The following ASTN2 variants were observed in gnomAD, a reference collection of about 807,000 sequenced individuals.
ASTN2 encodes astrotactin 2.
A neutral mutation model predicts 139.8 loss-of-function variants in ASTN2; 54 were observed. That is an observed-to-expected ratio of 0.39 (90% CI 0.31 to 0.48). The LOEUF (loss-of-function observed/expected upper bound fraction) is 0.48. ASTN2 is among the 20% of genes least tolerant of loss of function. The pLI is 0.95. For missense variants in ASTN2, 1,565 were observed against 1,725.1 expected, an observed-to-expected ratio of 0.91 and a Z score of 1.64; for synonymous variants, 756 against 719.5, an observed-to-expected ratio of 1.05 and a Z score of -0.81.
chr9:116,646,087 T>C (rs541763652), intron 17 of ASTN2, among the ~76,000 whole-genome samples: 49 of 152,258 alleles, frequency 3.2e-4, no homozygotes, highest in African/African-American at 1.2e-3. Flanking sequence ...GAAACTGAGG[T>C]ATGAAGACAC....
intron 10 of ASTN2, among the ~76,000 whole-genome samples, chr9:116,957,696 C>T (rs181829044): frequency 7.2e-5 from 11 of 152,308 alleles, no homozygotes; most frequent in Admixed American, 5.9e-4. Flanking sequence ...GTTTTTGAGA[C>T]GGAGTCTCGC....
intron 10 of ASTN2, among the ~76,000 whole-genome samples, chr9:116,932,450 C>T (rs1424078260): frequency 6.6e-6 from 1 of 152,140 alleles, no homozygotes; most frequent in African/African-American, 2.4e-5. Flanking sequence ...TACACTGTGG[C>T]TAACAGGATA....
At chr9:116,816,924 C>G (rs914530854) in intron 12 of ASTN2, among the ~76,000 whole-genome samples, 1 of 44,024 alleles carries the variant, frequency 2.3e-5, no homozygotes, top group Non-Finnish European at 5.8e-5. Flanking sequence ...AATAAATAGA[C>G]GAGGGAAAAT....
chr9:117,111,078 A>G (rs1460698617), intron 4 of ASTN2, among the ~76,000 whole-genome samples: 1 of 152,234 alleles, frequency 6.6e-6, no homozygotes, highest in African/African-American at 2.4e-5. Flanking sequence ...CTGAAGTCCA[A>G]CCAAATTAAC....
chr9:117,202,121 G>A (rs183034300), intron 3 of ASTN2, among the ~76,000 whole-genome samples: 1 of 152,148 alleles, frequency 6.6e-6, no homozygotes, highest in East Asian at 1.9e-4. Flanking sequence ...TTTGATCTTT[G>A]TTGGTTTAAA....
At chr9:117,187,116 G>A (rs1230588245) in intron 3 of ASTN2, among the ~76,000 whole-genome samples, 1 of 152,212 alleles carries the variant, frequency 6.6e-6, no homozygotes, top group Admixed American at 6.5e-5. Flanking sequence ...GAGACAGAGT[G>A]AGACTCCATC....
At chr9:117,061,139 T>TTTCATTTATTTATTTA (rs140825544) in intron 5 of ASTN2, among the ~76,000 whole-genome samples, 1 of 142,000 alleles carries the variant, frequency 7.0e-6, no homozygotes, top group African/African-American at 2.6e-5. Context: ...TACACCAGTC[T>TTTCATTTATTTATTTA]TTTATTTATT....
intron 4 of ASTN2, among the ~76,000 whole-genome samples, chr9:117,123,650 C>T (rs757336845): frequency 6.6e-6 from 1 of 151,968 alleles, no homozygotes; most frequent in Non-Finnish European, 1.5e-5. Flanking sequence ...TGGCTCTAGC[C>T]CTTATTCTTT....
At chr9:117,250,214 A>C (rs1833500338) in intron 2 of ASTN2, among the ~76,000 whole-genome samples, 1 of 152,232 alleles carries the variant, frequency 6.6e-6, no homozygotes, top group African/African-American at 2.4e-5. Flanking sequence ...TGTGCTAGGC[A>C]TCAGAAGACT....
At chr9:116,523,563 T>C (rs1850969239) in intron 19 of ASTN2, among the ~76,000 whole-genome samples, 1 of 152,142 alleles carries the variant, frequency 6.6e-6, no homozygotes, top group Non-Finnish European at 1.5e-5. Context: ...TGCAGCACTG[T>C]AAGGACTGGC....
chr9:117,220,924 T>C (rs1160359875), intron 2 of ASTN2, among the ~76,000 whole-genome samples: 1 of 152,202 alleles, frequency 6.6e-6, no homozygotes, highest in Non-Finnish European at 1.5e-5. Flanking sequence ...GAGGCTTTCA[T>C]GGCTCCAGTC....
At chr9:116,571,907 A>G (rs1853534556) in intron 19 of ASTN2, among the ~76,000 whole-genome samples, 1 of 151,812 alleles carries the variant, frequency 6.6e-6, no homozygotes, top group African/African-American at 2.4e-5. Flanking sequence ...ATGCATGTTT[A>G]TATGTGTTGG....
rs1847243377 is a variant in ASTN2, at chr9:116,423,889, T to C, written c.*1962A>G. 6.6e-6 allele frequency among the ~76,000 whole-genome samples: 1 copy of C among 152,192 alleles called. No individual in the cohort carries two copies. Among genetic ancestry groups the C allele is most frequent in the African/African-American group, 2.4e-5 (1 of 41,444 alleles). On this transcript the variant is annotated 3_prime_UTR_variant, in exon 23 of 23. Coordinates refer to ENST00000313400, the MANE Select transcript of ASTN2 (RefSeq NM_001365068.1). ...CATTTGCCAAATTGAGAAGTAGGCA[T>C]GGTTTTTTTCTTTTTTACTCACCAC...
At chr9:116,817,465 T>G (rs1243934693) in intron 12 of ASTN2, among the ~76,000 whole-genome samples, 1 of 151,808 alleles carries the variant, frequency 6.6e-6, no homozygotes, top group African/African-American at 2.4e-5. Context: ...TGGGAGTCAG[T>G]GGGGGTACAA....
intron 12 of ASTN2, among the ~76,000 whole-genome samples, chr9:116,817,681 C>A (rs139528374): frequency 2.2e-4 from 33 of 152,264 alleles, no homozygotes; most frequent in Non-Finnish European, 4.4e-4. Context: ...GTTTTAGCTC[C>A]TGGAGACAAA....
At chr9:116,831,828 T>G (rs1320180946) in intron 11 of ASTN2, among the ~76,000 whole-genome samples, 1 of 152,204 alleles carries the variant, frequency 6.6e-6, no homozygotes, top group Non-Finnish European at 1.5e-5. Flanking sequence ...TGATAGGAAT[T>G]ATATTAAACC....
chr9:116,791,979 A>G (rs1830572708), intron 13 of ASTN2, among the ~76,000 whole-genome samples: 1 of 152,202 alleles, frequency 6.6e-6, no homozygotes, highest in Non-Finnish European at 1.5e-5. Flanking sequence ...TAGTTGGAGA[A>G]CATTTGAAAT....
At chr9:116,829,286 A>G (rs1204199372) in intron 11 of ASTN2, among the ~76,000 whole-genome samples, 1 of 151,016 alleles carries the variant, frequency 6.6e-6, no homozygotes, top group Non-Finnish European at 1.5e-5. Context: ...CCACAAAACC[A>G]TGGTATTGGT....
At chr9:117,304,111 A>G (rs1834942194) in intron 1 of ASTN2, among the ~76,000 whole-genome samples, 1 of 152,238 alleles carries the variant, frequency 6.6e-6, no homozygotes, top group Non-Finnish European at 1.5e-5. Flanking sequence ...GAGAGAGCCC[A>G]TAGAGATCAG....
Sources: allele counts gnomAD v4.1 joint callset (sites outside exome capture counted in the v4.1 genomes callset), GRCh38; gene constraint gnomAD v4.1.1; transcripts MANE v1.5; gene names NCBI Gene and HGNC (gene_info 2026-07-23, HGNC 2026-07-21).